The following HERC4 variants were observed in gnomAD, a reference collection of about 807,000 sequenced individuals.
HERC4 encodes probable E3 ubiquitin-protein ligase HERC4.
Under a neutral mutation model 124.3 loss-of-function variants are expected in HERC4, and 28 were observed. That is an observed-to-expected ratio of 0.23 (90% CI 0.17 to 0.31). The LOEUF is 0.31. Ranked by LOEUF, HERC4 falls within the 10% of genes least tolerant of loss-of-function variation. The probability of loss-of-function intolerance (pLI) is 1.00; values close to 1 mark genes in which losing one functional copy is unlikely to be tolerated. For synonymous variants in HERC4, 407 were observed against 421.5 expected, an observed-to-expected ratio of 0.97 and a Z score of 0.42; for missense variants, 713 against 1,229.3, an observed-to-expected ratio of 0.58 and a Z score of 6.28.
At chr10:68,029,571 T>C (rs1001902764) in intron 7 of HERC4, among the ~76,000 whole-genome samples, 3 of 151,904 alleles carry the variant, frequency 2.0e-5, no homozygotes, top group Non-Finnish European at 2.9e-5. Flanking sequence ...CCTAGTGATA[T>C]ACAGCAAAAT....
At chr10:67,992,545 GT>G (rs1271088043) in intron 10 of HERC4, 60 bp downstream of exon 10, 2 of 1,140,092 alleles carry the variant, frequency 1.8e-6, no homozygotes, top group Non-Finnish European at 2.5e-6. Context: ...TTAATAATGG[GT>G]TTTTAAAATT....
intron 15 of HERC4, among the ~76,000 whole-genome samples, chr10:67,976,864 T>C (rs1193473817): frequency 1.3e-5 from 2 of 152,198 alleles, no homozygotes; most frequent in African/African-American, 4.8e-5. Flanking sequence ...AACCCAGCCC[T>C]AGCCAGAGGG....
chr10:68,066,606 CATGT>C (rs2041315138), intron 3 of HERC4, among the ~76,000 whole-genome samples: 1 of 152,152 alleles, frequency 6.6e-6, no homozygotes, highest in Non-Finnish European at 1.5e-5. Context: ...GAGAGAGATG[CATGT>C]ATCTACATGG....
At chr10:67,986,556 C>A (rs539123364) in intron 15 of HERC4, among the ~76,000 whole-genome samples, 9 of 152,084 alleles carry the variant, frequency 5.9e-5, no homozygotes, top group Non-Finnish European at 1.2e-4. Flanking sequence ...GGGGTTTCAC[C>A]ATGTTGGCCA....
intron 3 of HERC4, among the ~76,000 whole-genome samples, chr10:68,065,934 A>C (rs1215515316): frequency 6.6e-6 from 1 of 152,200 alleles, no homozygotes; most frequent in Admixed American, 6.5e-5. Flanking sequence ...TAATTATCAT[A>C]ACTCATTACA....
At chr10:68,044,632 G>A in intron 3 of HERC4, 69 bp from the exon 4 acceptor site, 1 of 1,403,164 alleles carries the variant, frequency 7.1e-7, no homozygotes, top group Non-Finnish European at 9.9e-7. Context: ...TTGCATTCTA[G>A]TTTTGAACTT....
intron 19 of HERC4, among the ~76,000 whole-genome samples, chr10:67,950,195 C>A (rs1164314258): frequency 6.6e-6 from 1 of 152,076 alleles, no homozygotes; most frequent in South Asian, 2.1e-4. Context: ...TACTATTATA[C>A]CTTCTCTGAG....
intron 4 of HERC4, chr10:68,040,150 C>T (rs1202938240): frequency 3.1e-6 from 3 of 977,422 alleles, no homozygotes; most frequent in African/African-American, 3.5e-5. Context: ...TAGTATTAGT[C>T]ATAAAATTTG....
At chr10:67,927,545 C>T (rs1161285753) in intron 23 of HERC4, among the ~76,000 whole-genome samples, 2 of 150,784 alleles carry the variant, frequency 1.3e-5, no homozygotes, top group African/African-American at 4.9e-5. Context: ...CCTGCCTCAG[C>T]CTCCCGAGTA....
At chr10:67,965,272 C>A (rs995156263) in intron 16 of HERC4, 1 of 152,102 alleles carries the variant, frequency 6.6e-6, no homozygotes, top group Non-Finnish European at 1.5e-5. Context: ...TTTAATAATA[C>A]ATATTATTAG....
Position 67,992,596 on chromosome 10 carries a change from ATATT to A in HERC4, c.1146+6_1146+9del. On this transcript the variant is annotated splice_donor_region_variant and intron_variant, in intron 10 of 24. Coordinates refer to ENST00000373700, the MANE Select transcript of HERC4 (RefSeq NM_015601.4). ...GAGCTATTTAATTATTTACATGACT[ATATT>A]ATTACCTGGGGACTAGAGTAATGTG... 1 of 1,421,934 alleles carries A rather than the reference ATATT, an allele frequency of 7.0e-7. No individual in the cohort carries two copies. Among genetic ancestry groups the A allele is most frequent in the Non-Finnish European group, 9.7e-7 (1 of 1,025,902 alleles). 88.1% of individuals were successfully genotyped at this position (1,421,934 alleles called of 1,614,324 possible).
intron 9 of HERC4, chr10:67,995,060 C>T: frequency 3.2e-6 from 1 of 311,060 alleles, no homozygotes; most frequent in East Asian, 9.0e-5. Flanking sequence ...CAACTTTATG[C>T]AGACTGGATT....
At chr10:67,956,792 T>C in intron 17 of HERC4, 86 bp downstream of exon 17, 1 of 808,986 alleles carries the variant, frequency 1.2e-6, no homozygotes. Flanking sequence ...CCTTCATTAC[T>C]GATCCTAGGA....
chr10:68,035,129 T>C (rs2039392549), intron 5 of HERC4, among the ~76,000 whole-genome samples: 1 of 151,858 alleles, frequency 6.6e-6, no homozygotes, highest in African/African-American at 2.4e-5. Flanking sequence ...ATCAGAATCC[T>C]GGTTCCTCTT....
intron 24 of HERC4, among the ~76,000 whole-genome samples, chr10:67,923,538 T>G (rs1325565964): frequency 2.6e-5 from 4 of 152,182 alleles, no homozygotes; most frequent in African/African-American, 9.7e-5. Context: ...AATCAGAAAT[T>G]TATAATGGGC....
In HERC4 at chr10:68,025,686, G is replaced by T; in HGVS notation, c.778-10C>A. 2 of 1,586,004 alleles carry T rather than the reference G, an allele frequency of 1.3e-6. No homozygotes were observed. The highest frequency in any genetic ancestry group is 1.7e-6 in the Non-Finnish European group (2 of 1,164,998). ...TAAACACTCCACCTTCCTAAAAAAA[G>T]ACAAAACCCCTTATCATTAGAAGGC... On this transcript the variant is annotated splice_polypyrimidine_tract_variant and intron_variant, in intron 7 of 24. Transcript: ENST00000373700.
At chr10:67,947,487 T>C (rs1453007912) in intron 19 of HERC4, among the ~76,000 whole-genome samples, 1 of 151,946 alleles carries the variant, frequency 6.6e-6, no homozygotes, top group Non-Finnish European at 1.5e-5. Flanking sequence ...AAGCGAGGTA[T>C]AGACAGTTCT....
chr10:67,992,482 T>C, intron 10 of HERC4, 124 bp downstream of exon 10: 7 of 1,137,084 alleles, frequency 6.2e-6, no homozygotes, highest in South Asian at 1.5e-5. Flanking sequence ...ACTTATTCTG[T>C]AGACTTAAGG....
intron 22 of HERC4, among the ~76,000 whole-genome samples, chr10:67,934,256 T>TA (rs2032123525): frequency 6.6e-6 from 1 of 152,206 alleles, no homozygotes; most frequent in African/African-American, 2.4e-5. Flanking sequence ...TATTCACAGT[T>TA]AAGCTGTATT....
Sources: gnomAD v4.1 joint callset for allele counts (sites outside exome capture counted in the v4.1 genomes callset) on GRCh38, gnomAD v4.1.1 for gene constraint, MANE v1.5 for transcripts, NCBI Gene and HGNC (gene_info 2026-07-23, HGNC 2026-07-21) for gene names.